Variants in DLG2 observed in about 807,000 individuals in gnomAD.
The protein encoded by DLG2 is disks large homolog 2.
DLG2 carries 45 observed loss-of-function variants against 132.5 expected under a neutral mutation model. The observed-to-expected ratio is 0.34, with a 90% CI of 0.27 to 0.44. The LOEUF is 0.44. DLG2 is among the 20% of genes least tolerant of loss of function. The probability of loss-of-function intolerance (pLI) is 1.00; values close to 1 mark genes in which losing one functional copy is unlikely to be tolerated. For missense variants in DLG2, 1,045 were observed against 1,196.9 expected, an observed-to-expected ratio of 0.87 and a Z score of 1.87; for synonymous variants, 424 against 419.6, an observed-to-expected ratio of 1.01 and a Z score of -0.13.
At chr11:83,599,804 C>A (rs2058230609) in intron 19 of DLG2, among the ~76,000 whole-genome samples, 1 of 152,134 alleles carries the variant, frequency 6.6e-6, no homozygotes, top group Non-Finnish European at 1.5e-5. Context: ...CTATCTGTAA[C>A]CTACAGTGAG....
intron 19 of DLG2, among the ~76,000 whole-genome samples, chr11:83,550,298 G>A (rs1417992102): frequency 6.6e-6 from 1 of 152,156 alleles, no homozygotes; most frequent in African/African-American, 2.4e-5. Flanking sequence ...CTTCCAGGGG[G>A]AACAACTTTC....
intron 8 of DLG2, among the ~76,000 whole-genome samples, chr11:84,209,363 A>G (rs74734419): frequency 0.028 from 4,318 of 152,304 alleles, 187 homozygotes; most frequent in African/African-American, 0.096. Flanking sequence ...TTAGAGTAAC[A>G]TGACAAATGA....
At chr11:85,286,191 G>A in intron 3 of DLG2, 1 of 388,614 alleles carries the variant, frequency 2.6e-6, no homozygotes, top group Non-Finnish European at 4.9e-6. Context: ...GTGTCCTGTT[G>A]GGTACAGATG....
intron 18 of DLG2, among the ~76,000 whole-genome samples, chr11:83,726,819 C>T (rs921169372): frequency 3.3e-5 from 5 of 152,046 alleles, no homozygotes; most frequent in East Asian, 1.9e-4. Flanking sequence ...GAAGACTTTC[C>T]GTTTCTCTGC....
At chr11:83,896,698 G>A (rs148221529) in intron 15 of DLG2, among the ~76,000 whole-genome samples, 187 of 152,272 alleles carry the variant, frequency 1.2e-3, no homozygotes, top group African/African-American at 4.2e-3. Context: ...TGGGAAAGGA[G>A]ATTAATTGTA....
At chr11:85,480,025 C>T (rs1425907768) in intron 3 of DLG2, among the ~76,000 whole-genome samples, 1 of 152,100 alleles carries the variant, frequency 6.6e-6, no homozygotes, top group East Asian at 1.9e-4. Context: ...AGGGGTAGGA[C>T]TTCAACACAT....
intron 18 of DLG2, among the ~76,000 whole-genome samples, chr11:83,664,268 G>A (rs943093208): frequency 1.3e-5 from 2 of 152,140 alleles, no homozygotes; most frequent in Admixed American, 1.3e-4. Context: ...GTGGTGTGAA[G>A]GAATACTTAA....
At chr11:84,431,296 A>G (rs1318926824) in intron 7 of DLG2, among the ~76,000 whole-genome samples, 1 of 152,216 alleles carries the variant, frequency 6.6e-6, no homozygotes, top group Non-Finnish European at 1.5e-5. Context: ...CTAGAATCAT[A>G]CAGGATGTCT....
At position 85,416,966 on chromosome 11, in the gene DLG2, C is replaced by G. The variant is rs2089915508; in HGVS notation, c.41-131601G>C. On this transcript the variant is annotated intron_variant, in intron 3 of 27. Coordinates refer to ENST00000376104, the MANE Select transcript of DLG2 (RefSeq NM_001142699.3). ...TCTTGCCTGATTGCCCTGGCCAGAA[C>G]TTCCAATACTATATCGAATAGGAGT... Among the ~76,000 whole-genome samples, 3 of 152,180 alleles carry G rather than the reference C, an allele frequency of 2.0e-5. 1 individual carries two copies. The South Asian group carries it at 6.2e-4, about 31-fold the overall frequency.
At chr11:85,508,520 C>T (rs1033711257) in intron 3 of DLG2, among the ~76,000 whole-genome samples, 1 of 152,002 alleles carries the variant, frequency 6.6e-6, no homozygotes, top group African/African-American at 2.4e-5. Flanking sequence ...TGCTTACCAG[C>T]TGACCTATTA....
At chr11:85,480,962 A>G (rs755703936) in intron 3 of DLG2, among the ~76,000 whole-genome samples, 11 of 152,238 alleles carry the variant, frequency 7.2e-5, no homozygotes, top group Non-Finnish European at 1.6e-4. Flanking sequence ...CATTTACTCC[A>G]ATCTGTAATG....
intron 21 of DLG2, among the ~76,000 whole-genome samples, chr11:83,489,812 G>C (rs935226809): frequency 6.6e-6 from 1 of 151,936 alleles, no homozygotes; most frequent in African/African-American, 2.4e-5. Context: ...CATTTGGTGT[G>C]TGCTGTAGGG....
rs894792701 is a variant in DLG2, at chr11:83,915,555, A to C, written c.1496+14773T>G. The stretch of plus-strand genomic sequence containing the variant: ...ATGTTAAAAATGTAAAAATCTGAAA[A>C]CCTTCTTCTGAATAATTTATTTGAA... On this transcript the variant is annotated intron_variant, in intron 15 of 27. Transcript: ENST00000376104. Among the ~76,000 whole-genome samples the C allele has an allele frequency of 3.2e-4, 48 of 152,174 alleles. 1 individual carries two copies. The highest frequency in any genetic ancestry group is 1.1e-3 in the African/African-American group (46 of 41,444).
chr11:84,874,515 C>G (rs918500499), intron 6 of DLG2, among the ~76,000 whole-genome samples: 2 of 152,158 alleles, frequency 1.3e-5, no homozygotes, highest in African/African-American at 4.8e-5. Context: ...AGGTTATGAA[C>G]TATCTCTTTA....
intron 15 of DLG2, among the ~76,000 whole-genome samples, chr11:83,921,314 T>C (rs958279837): frequency 3.9e-5 from 6 of 152,134 alleles, no homozygotes; most frequent in African/African-American, 1.4e-4. Flanking sequence ...GGGAATAAAA[T>C]GATAAATAAA....
intron 11 of DLG2, among the ~76,000 whole-genome samples, chr11:84,044,270 A>T (rs979241645): frequency 6.6e-6 from 1 of 151,818 alleles, no homozygotes; most frequent in East Asian, 1.9e-4. Context: ...CAGGTGCTTA[A>T]TAGATTAGAT....
intron 7 of DLG2, among the ~76,000 whole-genome samples, chr11:84,510,119 T>C (rs2099253231): frequency 6.7e-6 from 1 of 150,186 alleles, no homozygotes; most frequent in Admixed American, 6.6e-5. Flanking sequence ...ATTATTATTA[T>C]TATTATGTTA....
chr11:84,015,359 A>AT (rs1186694567), intron 11 of DLG2, among the ~76,000 whole-genome samples: 10 of 152,170 alleles, frequency 6.6e-5, no homozygotes, highest in African/African-American at 1.9e-4. Context: ...AACCTTTTAC[A>AT]TTTTTTTGTT....
At chr11:83,530,471 T>C (rs1258339815) in intron 21 of DLG2, among the ~76,000 whole-genome samples, 1 of 151,848 alleles carries the variant, frequency 6.6e-6, no homozygotes, top group African/African-American at 2.4e-5. Context: ...TTCTGTATGA[T>C]ATTCACAAGC....
Sources: allele counts gnomAD v4.1 joint callset (sites outside exome capture counted in the v4.1 genomes callset), GRCh38; gene constraint gnomAD v4.1.1; transcripts MANE v1.5; gene names NCBI Gene and HGNC (gene_info 2026-07-23, HGNC 2026-07-21).